The following TP63 variants were observed in gnomAD, a reference collection of about 807,000 sequenced individuals.
TP63 encodes the protein tumor protein p63, also known as tumor protein 63.
In TP63, 17 loss-of-function variants were observed where a neutral mutation model predicts 82.8. The ratio of observed to expected loss-of-function variants is 0.21; its 90% CI spans 0.14 to 0.31. The LOEUF (loss-of-function observed/expected upper bound fraction) is 0.31. TP63 is among the 10% of genes least tolerant of loss of function. The pLI, the probability that TP63 is intolerant of heterozygous loss-of-function variation, is 1.00. For synonymous variants in TP63, 330 were observed against 321.7 expected, an observed-to-expected ratio of 1.03 and a Z score of -0.28; for missense variants, 648 against 895.3, an observed-to-expected ratio of 0.72 and a Z score of 3.52.
the TP63 span, among the ~76,000 whole-genome samples, chr3:189,603,100 G>A: frequency 6.6e-6 from 1 of 152,160 alleles, no homozygotes; most frequent in Non-Finnish European, 1.5e-5. Context: ...CCAGGACTCA[G>A]TTATTAGGAT....
intron 9 of TP63, among the ~76,000 whole-genome samples, 163 bp downstream of exon 9, chr3:189,869,569 A>G (rs996997667): frequency 2.0e-5 from 3 of 152,164 alleles, no homozygotes; most frequent in African/African-American, 7.2e-5. Flanking sequence ...GCTTATAAAC[A>G]ACAGAAGTTT....
At position 189,897,111 on chromosome 3, in the gene TP63, T is replaced by A. The variant is rs1458241336; in HGVS notation, c.*2609T>A. ...AAAGTTTTATATGCTTTATTAATGT[T>A]TTCAAAAGGTATTATACATGTGATA... is the stretch of plus-strand genomic sequence containing the variant. On this transcript the variant is annotated 3_prime_UTR_variant, in exon 14 of 14. Transcript: ENST00000264731. 1 of 224,068 alleles carries A rather than the reference T, an allele frequency of 4.5e-6. No homozygotes were observed. The highest frequency in any genetic ancestry group is 2.2e-5 in the African/African-American group (1 of 44,886). The allele number at this position is 224,068 out of a possible 1,614,324, so 13.9% of individuals were successfully genotyped here.
At chr3:189,687,274 A>G (rs987962444) in intron 1 of TP63, among the ~76,000 whole-genome samples, 9 of 152,076 alleles carry the variant, frequency 5.9e-5, no homozygotes, top group African/African-American at 1.9e-4. Context: ...TAGTTTTGCT[A>G]TTTTCTAGGT....
At chr3:189,628,912 A>G (rs1018882974), upstream of TP63, among the ~76,000 whole-genome samples, 2 of 152,112 alleles carry the variant, frequency 1.3e-5, no homozygotes, top group Admixed American at 6.6e-5. Context: ...TTATTTCCAT[A>G]ATGCAATAGG....
intron 4 of TP63, among the ~76,000 whole-genome samples, chr3:189,824,247 C>T (rs958171895): frequency 2.6e-5 from 4 of 151,536 alleles, no homozygotes; most frequent in Non-Finnish European, 5.9e-5. Flanking sequence ...GACAGAGTCT[C>T]GCTCCGTCAC....
At chr3:189,658,808 T>A (rs1577190749) in intron 1 of TP63, among the ~76,000 whole-genome samples, 1 of 151,988 alleles carries the variant, frequency 6.6e-6, no homozygotes, top group East Asian at 1.9e-4. Flanking sequence ...TAAGCAAAAC[T>A]AAGGAAATAT....
At chr3:189,645,673 A>T (rs1712363591) in intron 1 of TP63, among the ~76,000 whole-genome samples, 1 of 121,884 alleles carries the variant, frequency 8.2e-6, no homozygotes, top group Non-Finnish European at 1.7e-5. Flanking sequence ...ACCCCACGAC[A>T]GGCTCCAGTG....
intron 10 of TP63, chr3:189,881,580 T>A (rs183279983): frequency 1.4e-5 from 13 of 924,994 alleles, no homozygotes; most frequent in Non-Finnish European, 1.7e-5. Context: ...TGAAGTAGCA[T>A]GTGTAGGTCT....
At chr3:189,817,542 A>C (rs999247455) in intron 4 of TP63, among the ~76,000 whole-genome samples, 1 of 152,142 alleles carries the variant, frequency 6.6e-6, no homozygotes, top group East Asian at 1.9e-4. Context: ...TGAGAGATGA[A>C]GCTCTAAAAA....
chr3:189,650,551 C>T (rs1332595349), intron 1 of TP63, among the ~76,000 whole-genome samples: 1 of 146,640 alleles, frequency 6.8e-6, no homozygotes, highest in African/African-American at 2.6e-5. Context: ...AGGGGCTTCC[C>T]ACTTCACTGG....
chr3:189,820,001 G>A lies in TP63; in HGVS notation c.579+11475G>A, dbSNP rs185695876. 1.3e-3 allele frequency among the ~76,000 whole-genome samples: 191 copies of A among 151,946 alleles called. 1 individual carries two copies. Among genetic ancestry groups the A allele is most frequent in the African/African-American group, 4.2e-3 (173 of 41,460 alleles). ...CCTGACCTTGTGATCCACCCGCCTC[G>A]GCCTCCCAAAGTGCTGGGATTACAG... On this transcript the variant is annotated intron_variant, in intron 4 of 13. Transcript: ENST00000264731.
chr3:189,893,135 A>T (rs1721187908), intron 13 of TP63, among the ~76,000 whole-genome samples: 1 of 152,246 alleles, frequency 6.6e-6, no homozygotes, highest in South Asian at 2.1e-4. Flanking sequence ...ACATGCAAAA[A>T]TGAGGTAACA....
At position 189,756,368 on chromosome 3, in the gene TP63, T is replaced by C. The variant is rs1274370440; in HGVS notation, c.324+17594T>C. Among the ~76,000 whole-genome samples the C allele has an allele frequency of 2.0e-5, 3 of 152,308 alleles. No individual in the cohort carries two copies. In the East Asian group the frequency reaches 5.8e-4, roughly 29 times the overall value. On this transcript the variant is annotated intron_variant, in intron 3 of 13. Coordinates refer to ENST00000264731, the MANE Select transcript of TP63 (RefSeq NM_003722.5). Reference sequence around the variant, plus strand: ...TCACTCCGTTTAGACTGAATTCCGGTGTCCCCATAAGAGCAGACTGTTTCT... The same window carrying C: ...TCACTCCGTTTAGACTGAATTCCGGCGTCCCCATAAGAGCAGACTGTTTCT...
intron 1 of TP63, among the ~76,000 whole-genome samples, chr3:189,656,536 G>T (rs1713379383): frequency 6.6e-6 from 1 of 152,032 alleles, no homozygotes; most frequent in Non-Finnish European, 1.5e-5. Context: ...AATGTGAATG[G>T]TTTAAACATA....
intron 3 of TP63, among the ~76,000 whole-genome samples, chr3:189,804,512 A>G (rs1726670976): frequency 1.3e-5 from 2 of 152,180 alleles, no homozygotes; most frequent in African/African-American, 4.8e-5. Context: ...GTTTTGCTGG[A>G]CCTGTCTGGG....
the TP63 span, among the ~76,000 whole-genome samples, chr3:189,610,137 C>A: frequency 6.6e-6 from 1 of 152,232 alleles, no homozygotes; most frequent in Non-Finnish European, 1.5e-5. Context: ...TGATATTGAG[C>A]TTTTTTTCAA....
chr3:189,786,756 A>G (rs1389460251), intron 3 of TP63, among the ~76,000 whole-genome samples: 2 of 152,076 alleles, frequency 1.3e-5, no homozygotes, highest in African/African-American at 4.8e-5. Context: ...AGCTCTAAAT[A>G]GAGTTGTTCT....
At chr3:189,812,459 T>C (rs1470510682) in intron 4 of TP63, among the ~76,000 whole-genome samples, 1 of 152,204 alleles carries the variant, frequency 6.6e-6, no homozygotes, top group Non-Finnish European at 1.5e-5. Context: ...GGCCTATCAT[T>C]TAATATAATG....
At position 189,858,941 on chromosome 3, in the gene TP63, T is replaced by C. The variant is rs1016437982; in HGVS notation, c.580-5291T>C. Among the ~76,000 whole-genome samples the C allele has an allele frequency of 7.9e-5, 12 of 151,922 alleles. No individual in the cohort carries two copies. The East Asian group carries it at 1.3e-3, about 17-fold the overall frequency. ...AATCTCATAGAAGTTGAGAGTAGAA[T>C]AGGGGTTACCAGAGGCTGAGAAGGG... is the stretch of plus-strand genomic sequence containing the variant. On this transcript the variant is annotated intron_variant, in intron 4 of 13. Transcript: ENST00000264731.
Sources: gnomAD v4.1 joint callset for allele counts (sites outside exome capture counted in the v4.1 genomes callset) on GRCh38, gnomAD v4.1.1 for gene constraint, MANE v1.5 for transcripts, NCBI Gene and HGNC (gene_info 2026-07-23, HGNC 2026-07-21) for gene names.